ALK: variants seen among roughly 807,000 people sequenced by gnomAD.
The protein encoded by ALK is ALK receptor tyrosine kinase, also known as ALK tyrosine kinase receptor.
A neutral mutation model predicts 163.1 loss-of-function variants in ALK; 74 were observed. The ratio of observed to expected loss-of-function variants is 0.45; its 90% CI spans 0.38 to 0.55. ALK has a LOEUF of 0.55. ALK is among the 20% of genes least tolerant of loss of function. The pLI is 0.00. For synonymous variants in ALK, 960 were observed against 843.2 expected (o/e 1.14, Z -2.40); for missense variants, 2,063 against 2,105.3 (o/e 0.98, Z 0.39).
intron 1 of ALK, among the ~76,000 whole-genome samples, chr2:29,794,905 A>G (rs1664268774): frequency 6.6e-6 from 1 of 152,168 alleles, no homozygotes; most frequent in Non-Finnish European, 1.5e-5. Flanking sequence ...GCTGTTGGAA[A>G]CATGGTGCTG....
At chr2:29,252,253 T>C (rs921958438) in intron 11 of ALK, among the ~76,000 whole-genome samples, 11 of 149,076 alleles carry the variant, frequency 7.4e-5, no homozygotes, top group African/African-American at 2.5e-4. Flanking sequence ...TCAGATCTCA[T>C]GTTGGCCAAA....
chr2:29,291,264 T>C (rs1054932338), intron 9 of ALK, among the ~76,000 whole-genome samples: 2 of 152,034 alleles, frequency 1.3e-5, no homozygotes, highest in African/African-American at 4.8e-5. Context: ...CTAGGGAGGC[T>C]GTGGCAGGAG....
intron 1 of ALK, among the ~76,000 whole-genome samples, chr2:29,887,184 T>C (rs1235338907): frequency 6.6e-5 from 10 of 152,246 alleles, no homozygotes; most frequent in South Asian, 2.1e-4. Context: ...TTTAACTAGT[T>C]GATTCTTCTG....
intron 1 of ALK, among the ~76,000 whole-genome samples, chr2:29,734,480 G>A (rs1257192723): frequency 6.6e-6 from 1 of 152,114 alleles, no homozygotes; most frequent in Non-Finnish European, 1.5e-5. Context: ...ATCGACCAGA[G>A]GGAGACAAAA....
Position 29,497,746 on chromosome 2 carries a change from T to C in ALK, c.1154+34169A>G, listed in dbSNP as rs1264152922. On this transcript the variant is annotated intron_variant, in intron 4 of 28. Coordinates refer to ENST00000389048, the MANE Select transcript of ALK (RefSeq NM_004304.5). Reference sequence around the variant, plus strand: ...TCACATGGGAACTCAACAAATCATATTGTTTCGGTCATGTAGGGTGCCTTG... The same window carrying C: ...TCACATGGGAACTCAACAAATCATACTGTTTCGGTCATGTAGGGTGCCTTG... Among the ~76,000 whole-genome samples the C allele has an allele frequency of 2.0e-5, 3 of 152,158 alleles. No homozygotes were observed. In the South Asian group the frequency reaches 6.2e-4, roughly 32 times the overall value.
intron 3 of ALK, among the ~76,000 whole-genome samples, chr2:29,685,799 G>C (rs150054138): frequency 6.6e-6 from 1 of 152,312 alleles, no homozygotes; most frequent in East Asian, 1.9e-4. Flanking sequence ...GTCTAAAATG[G>C]GTTGGTGGAA....
chr2:29,513,819 C>A (rs1672587253), intron 4 of ALK, among the ~76,000 whole-genome samples: 1 of 141,004 alleles, frequency 7.1e-6, no homozygotes, highest in African/African-American at 2.7e-5. Flanking sequence ...AACAAACAAC[C>A]CCATCAAAAA....
intron 1 of ALK, among the ~76,000 whole-genome samples, chr2:29,825,283 C>A (rs3922423): frequency 0.43 from 65,077 of 152,104 alleles, 15,140 homozygotes; most frequent in East Asian, 0.75. Flanking sequence ...ATCTCTTCAT[C>A]TGTCCATCCA....
chr2:29,909,378 G>A (rs1335721545), intron 1 of ALK, among the ~76,000 whole-genome samples: 1 of 152,152 alleles, frequency 6.6e-6, no homozygotes, highest in Non-Finnish European at 1.5e-5. Context: ...TGAGGTCATA[G>A]AGATTGGTGT....
At chr2:29,786,377 C>A (rs1664024763) in intron 1 of ALK, among the ~76,000 whole-genome samples, 1 of 152,220 alleles carries the variant, frequency 6.6e-6, no homozygotes, top group Non-Finnish European at 1.5e-5. Context: ...AAAGCCTCTG[C>A]ACAGCCATCA....
intron 26 of ALK, among the ~76,000 whole-genome samples, chr2:29,206,671 A>G (rs1022267237): frequency 3.3e-5 from 5 of 151,884 alleles, no homozygotes; most frequent in African/African-American, 4.8e-5. Context: ...TCCATTTTCT[A>G]ATCTTCTCAG....
rs763986679 is a variant in ALK at position 29,717,634 on chromosome 2, T to G, written c.731A>C (p.Asn244Thr). 10 of 1,613,940 alleles carry G rather than the reference T, an allele frequency of 6.2e-6. No individual in the cohort carries two copies. Among genetic ancestry groups the G allele is most frequent in the South Asian group, 1.1e-5 (1 of 91,066 alleles). ...PSPSPDYFTWNLTWIMKDSFP... is the reference protein window; with the variant it reads ...PSPSPDYFTWTLTWIMKDSFP... The stretch of plus-strand genomic sequence containing the variant: ...GGAGTCTTTCATTATCCAGGTGAGA[T>G]TCCATGTAAAATAATCAGGAGAAGG... Residue 244 changes from asparagine (N) to threonine (T), a missense_variant, in exon 2 of 29, where the codon AAT (asparagine) becomes ACT (threonine). By Grantham distance (65) the Asn-to-Thr change is moderately conservative (BLOSUM62 0). Transcript: ENST00000389048.
At chr2:29,797,021 C>T (rs1261174458) in intron 1 of ALK, among the ~76,000 whole-genome samples, 3 of 151,788 alleles carry the variant, frequency 2.0e-5, no homozygotes, top group Non-Finnish European at 4.4e-5. Flanking sequence ...CACACACACA[C>T]ACACACATAC....
intron 1 of ALK, among the ~76,000 whole-genome samples, chr2:29,828,152 A>T (rs185204712): frequency 0.015 from 2,353 of 152,342 alleles, 65 homozygotes; most frequent in African/African-American, 0.054. Flanking sequence ...CTTACACCTT[A>T]TACAAAAATT....
At chr2:29,542,511 T>C (rs1401998449) in intron 3 of ALK, among the ~76,000 whole-genome samples, 1 of 152,210 alleles carries the variant, frequency 6.6e-6, no homozygotes, top group Non-Finnish European at 1.5e-5. Flanking sequence ...AATGTTTATT[T>C]CATCTTTACA....
At chr2:29,864,919 C>T (rs1666389116) in intron 1 of ALK, among the ~76,000 whole-genome samples, 1 of 152,294 alleles carries the variant, frequency 6.6e-6, no homozygotes, top group East Asian at 1.9e-4. Flanking sequence ...AAACGCCTCC[C>T]ACCCTCTCCC....
chr2:29,536,089 T>C (rs1673244789), intron 3 of ALK, among the ~76,000 whole-genome samples: 1 of 152,204 alleles, frequency 6.6e-6, no homozygotes, highest in South Asian at 2.1e-4. Flanking sequence ...ATGTCTGGTA[T>C]GCAACACAAT....
chr2:29,352,727 A>G lies in ALK; in HGVS notation c.1283-24246T>C, dbSNP rs530918346. Among the ~76,000 whole-genome samples the G allele has an allele frequency of 3.2e-4, 49 of 152,360 alleles. No homozygotes were observed. In the South Asian group the frequency reaches 9.9e-3, roughly 31 times the overall value. On this transcript the variant is annotated intron_variant, in intron 5 of 28. Coordinates refer to ENST00000389048, the MANE Select transcript of ALK (RefSeq NM_004304.5). ...TGGTAGAGAGGCAGGAGAGGCCACA[A>G]GATAGAGGCTGTGGGGTAGTGAGGA... is the stretch of plus-strand genomic sequence containing the variant.
At chr2:29,601,977 C>T (rs1181012571) in intron 3 of ALK, among the ~76,000 whole-genome samples, 1 of 152,088 alleles carries the variant, frequency 6.6e-6, no homozygotes, top group East Asian at 1.9e-4. Context: ...AGGAACTCTA[C>T]CAGCTCAGTG....
Sources: allele counts gnomAD v4.1 joint callset (sites outside exome capture counted in the v4.1 genomes callset), GRCh38; gene constraint gnomAD v4.1.1; transcripts MANE v1.5; gene names NCBI Gene and HGNC (gene_info 2026-07-23, HGNC 2026-07-21).